TULP4: variants seen among roughly 807,000 people sequenced by gnomAD.
The protein encoded by TULP4 is tubby-related protein 4.
TULP4 carries 16 observed loss-of-function variants against 129.0 expected under a neutral mutation model. The observed-to-expected ratio is 0.12, with a 90% CI of 0.08 to 0.19. The LOEUF (loss-of-function observed/expected upper bound fraction) is 0.19, where lower values mean the gene tolerates loss of function less well. TULP4 is among the 10% of genes least tolerant of loss of function. The pLI is 1.00. For missense variants in TULP4, 1,842 were observed against 2,059.1 expected (o/e 0.89, Z 2.04); for synonymous variants, 998 against 854.0 (o/e 1.17, Z -2.94).
chr6:158,317,714 A>G (rs1364291684), intron 1 of TULP4, among the ~76,000 whole-genome samples: 1 of 152,164 alleles, frequency 6.6e-6, no homozygotes, highest in Non-Finnish European at 1.5e-5. Context: ...CTAGTTCTAG[A>G]TCCTTGAGGA....
chr6:158,469,423 G>A (rs925872083), intron 6 of TULP4, among the ~76,000 whole-genome samples: 2 of 151,984 alleles, frequency 1.3e-5, no homozygotes, highest in African/African-American at 2.4e-5. Flanking sequence ...ACAGGTGTGT[G>A]CCACCACACT....
In TULP4 at chr6:158,413,469, C is replaced by A. The variant is rs896047239; in HGVS notation, c.381+276C>A. Among the ~76,000 whole-genome samples the A allele has an allele frequency of 6.6e-6, 1 of 152,198 alleles. No homozygotes were observed. Among genetic ancestry groups the A allele is most frequent in the Non-Finnish European group, 1.5e-5 (1 of 68,042 alleles). The stretch of plus-strand genomic sequence containing the variant: ...CAGATCTGTGAAGTCATTTTTTACC[C>A]TTCAGTGTTGTGATTCCATGTTAAA... On this transcript the variant is annotated intron_variant, in intron 2 of 13. Coordinates refer to ENST00000367097, the MANE Select transcript of TULP4 (RefSeq NM_020245.5). The surrounding 1 kb of genome is among the most constrained non-coding windows in gnomAD (Gnocchi z 4.9).
chr6:158,443,453 A>C (rs1464630771), intron 3 of TULP4, among the ~76,000 whole-genome samples: 1 of 152,140 alleles, frequency 6.6e-6, no homozygotes, highest in East Asian at 1.9e-4. Context: ...TAGTCAGACT[A>C]TTCTCTACTC....
At chr6:158,238,076 T>A in intron 1 of TULP4, 3 of 707,598 alleles carry the variant, frequency 4.2e-6, no homozygotes, top group Non-Finnish European at 7.9e-6. Context: ...CTATTAAATC[T>A]TCTTCATGGC....
chr6:158,303,376 T>C (rs1173489314), intron 1 of TULP4, among the ~76,000 whole-genome samples: 1 of 152,140 alleles, frequency 6.6e-6, no homozygotes, highest in East Asian at 1.9e-4. Flanking sequence ...GATGCCCGCC[T>C]GAGCCTCAAA....
chr6:158,352,467 G>T (rs1042685926), intron 1 of TULP4, among the ~76,000 whole-genome samples: 2 of 152,124 alleles, frequency 1.3e-5, no homozygotes, highest in Non-Finnish European at 2.9e-5. Flanking sequence ...CACGATCTCG[G>T]CTCACTGCAA....
intron 1 of TULP4, among the ~76,000 whole-genome samples, chr6:158,409,027 C>T (rs902473438): frequency 4.6e-5 from 7 of 152,070 alleles, no homozygotes; most frequent in African/African-American, 1.4e-4. Flanking sequence ...TTGGTTGTTC[C>T]CTGAGATGGC....
At chr6:158,419,857 T>C (rs1020283312) in intron 2 of TULP4, among the ~76,000 whole-genome samples, 5 of 152,234 alleles carry the variant, frequency 3.3e-5, no homozygotes, top group African/African-American at 1.2e-4. Context: ...GAAAAATTGA[T>C]AAATCCATTG....
At chr6:158,276,723 G>A (rs1343567419) in intron 1 of TULP4, among the ~76,000 whole-genome samples, 1 of 152,000 alleles carries the variant, frequency 6.6e-6, no homozygotes. Flanking sequence ...GAAGTGGTGG[G>A]TGCAAACCAG....
chr6:158,348,590 A>G (rs953499443), intron 1 of TULP4, among the ~76,000 whole-genome samples: 1 of 152,014 alleles, frequency 6.6e-6, no homozygotes, highest in African/African-American at 2.4e-5. Flanking sequence ...ACACAGACAC[A>G]GTAACAATCT....
intron 9 of TULP4, among the ~76,000 whole-genome samples, chr6:158,490,182 A>C (rs369195544): frequency 4.5e-4 from 69 of 152,304 alleles, no homozygotes; most frequent in African/African-American, 1.6e-3. Context: ...TGGATCACGA[A>C]GTCAAGAGAT....
At chr6:158,290,830 T>C (rs1219362701) in intron 1 of TULP4, among the ~76,000 whole-genome samples, 1 of 152,216 alleles carries the variant, frequency 6.6e-6, no homozygotes, top group Non-Finnish European at 1.5e-5. Flanking sequence ...ACATTTGTCA[T>C]AGACACAGTC....
At chr6:158,270,952 C>A (rs1778535254) in intron 1 of TULP4, among the ~76,000 whole-genome samples, 1 of 152,050 alleles carries the variant, frequency 6.6e-6, no homozygotes, top group South Asian at 2.1e-4. Context: ...GAGGTCAAGA[C>A]CAGCCTGGCC....
At chr6:158,240,911 C>G (rs1311300352) in intron 1 of TULP4, among the ~76,000 whole-genome samples, 26 of 140,546 alleles carry the variant, frequency 1.8e-4, no homozygotes, top group Non-Finnish European at 3.6e-4. Context: ...CTTCCCAGAT[C>G]GGGTGGCTGC....
In TULP4 at chr6:158,502,949, C is replaced by G. The variant is rs765476176; in HGVS notation, c.3286C>G (p.Gln1096Glu). The G allele has an allele frequency of 2.5e-6, 4 of 1,614,056 alleles. No homozygotes were observed. Among genetic ancestry groups the G allele is most frequent in the Non-Finnish European group, 3.4e-6 (4 of 1,180,018 alleles). ...SAFTEDEALS[Q>E]HCQLEKPLRH... ...CTTCACGGAGGACGAGGCCCTGTCC[C>G]AGCACTGTCAGCTTGAGAAGCCCTT... The change falls in exon 13 of 14, where the codon CAG becomes GAG. Residue 1096 changes from glutamine (Q) to glutamate (E), a missense_variant. By Grantham distance (29) the Gln-to-Glu change is conservative. Transcript: ENST00000367097.
intron 1 of TULP4, among the ~76,000 whole-genome samples, chr6:158,349,978 G>A (rs1398355570): frequency 1.1e-4 from 16 of 143,384 alleles, no homozygotes; most frequent in East Asian, 2.1e-4. Flanking sequence ...CCTCCCAAAC[G>A]GGGCGGCCGG....
At chr6:158,355,261 A>G (rs977194672) in intron 1 of TULP4, among the ~76,000 whole-genome samples, 6 of 151,940 alleles carry the variant, frequency 3.9e-5, no homozygotes, top group Non-Finnish European at 1.5e-5. Flanking sequence ...TAAAATAATT[A>G]TTTTGTAGAG....
At chr6:158,381,896 CA>C (rs1777334026) in intron 1 of TULP4, among the ~76,000 whole-genome samples, 1 of 152,108 alleles carries the variant, frequency 6.6e-6, no homozygotes, top group African/African-American at 2.4e-5. Context: ...TAATTGTGTG[CA>C]ATGCAGTTGT....
intron 8 of TULP4, 74 bp from the exon 9 acceptor site, chr6:158,489,514 T>G (rs1248208043): frequency 6.3e-7 from 1 of 1,577,642 alleles, no homozygotes; most frequent in Non-Finnish European, 8.7e-7. Context: ...TGTCTTTTAG[T>G]TTATAGTAAT....
Sources: gnomAD v4.1 joint callset for allele counts (sites outside exome capture counted in the v4.1 genomes callset) on GRCh38, gnomAD v4.1.1 for gene constraint, Gnocchi (gnomAD v3.1) non-coding constraint, MANE v1.5 for transcripts, NCBI Gene and HGNC (gene_info 2026-07-23, HGNC 2026-07-21) for gene names.